UNC5D: variants seen among roughly 807,000 people sequenced by gnomAD.
UNC5D encodes netrin receptor UNC5D.
Under a neutral mutation model 105.4 loss-of-function variants are expected in UNC5D, and 39 were observed. The observed-to-expected ratio is 0.37, with a 90% CI of 0.29 to 0.48. The LOEUF (loss-of-function observed/expected upper bound fraction) is 0.48, where lower values mean the gene tolerates loss of function less well. Ranked by LOEUF, UNC5D falls within the 20% of genes least tolerant of loss-of-function variation. UNC5D has a pLI of 0.98. For missense variants in UNC5D, 991 were observed against 1,202.4 expected, an observed-to-expected ratio of 0.82 and a Z score of 2.60; for synonymous variants, 452 against 450.4, an observed-to-expected ratio of 1.00 and a Z score of -0.04.
intron 2 of UNC5D, among the ~76,000 whole-genome samples, chr8:35,559,661 G>C (rs897081084): frequency 1.3e-5 from 2 of 152,174 alleles, no homozygotes; most frequent in Non-Finnish European, 2.9e-5. Context: ...AACAAGTTAG[G>C]ATCCTAGACT....
intron 1 of UNC5D, among the ~76,000 whole-genome samples, chr8:35,270,905 C>T (rs1209053099): frequency 1.5e-5 from 2 of 135,244 alleles, no homozygotes; most frequent in Non-Finnish European, 3.2e-5. Context: ...TAACTTTTAA[C>T]ATTGAAATGT....
intron 4 of UNC5D, among the ~76,000 whole-genome samples, chr8:35,653,249 C>T (rs1053259062): frequency 6.6e-5 from 10 of 152,022 alleles, no homozygotes; most frequent in African/African-American, 2.4e-4. Context: ...TTTATTTGTC[C>T]ACTTGGGATT....
At chr8:35,551,096 A>G (rs1444305818) in intron 2 of UNC5D, among the ~76,000 whole-genome samples, 5 of 152,154 alleles carry the variant, frequency 3.3e-5, no homozygotes, top group Non-Finnish European at 5.9e-5. Context: ...ACGGGTATGC[A>G]GTGGCTGGAG....
At chr8:35,471,195 C>T (rs985034440) in intron 1 of UNC5D, among the ~76,000 whole-genome samples, 1 of 152,058 alleles carries the variant, frequency 6.6e-6, no homozygotes, top group Non-Finnish European at 1.5e-5. Flanking sequence ...ACTGTTTAGC[C>T]ACTAACAACC....
intron 4 of UNC5D, among the ~76,000 whole-genome samples, chr8:35,630,694 G>A (rs1377364338): frequency 1.3e-5 from 2 of 152,062 alleles, no homozygotes; most frequent in East Asian, 1.9e-4. Context: ...CTAGTGATTC[G>A]TAAGGCGGGA....
In UNC5D at chr8:35,265,827, G is replaced by A. The variant is rs556642403; in HGVS notation, c.103+29940G>A. Among the ~76,000 whole-genome samples the A allele has an allele frequency of 2.9e-3, 438 of 151,504 alleles. 2 individuals carry two copies. The highest frequency in any genetic ancestry group is 0.01 in the African/African-American group (413 of 41,254). On this transcript the variant is annotated intron_variant, in intron 1 of 16. Coordinates refer to ENST00000404895, the MANE Select transcript of UNC5D (RefSeq NM_080872.4). ...AGAGCTTGCAGTGAGCCAAGATCGC[G>A]CCACTGCATTCCAGCCTGAGCGACA...
intron 4 of UNC5D, among the ~76,000 whole-genome samples, chr8:35,628,129 T>C (rs1341309793): frequency 6.6e-6 from 1 of 152,050 alleles, no homozygotes; most frequent in Non-Finnish European, 1.5e-5. Flanking sequence ...ATTTACTTAC[T>C]TACTTACTTA....
chr8:35,517,154 T>C (rs1044283108), intron 1 of UNC5D, among the ~76,000 whole-genome samples: 6 of 152,164 alleles, frequency 3.9e-5, no homozygotes, highest in African/African-American at 1.4e-4. Flanking sequence ...ATCCTCCCTT[T>C]AGGCCTCCCC....
chr8:35,350,197 T>A (rs1015656448), intron 1 of UNC5D, among the ~76,000 whole-genome samples: 3 of 152,004 alleles, frequency 2.0e-5, no homozygotes, highest in Non-Finnish European at 4.4e-5. Context: ...ATGTTTACAG[T>A]ACAGTTCCAT....
chr8:35,736,737 G>A (rs1265855203), intron 11 of UNC5D, among the ~76,000 whole-genome samples: 1 of 152,328 alleles, frequency 6.6e-6, no homozygotes, highest in East Asian at 1.9e-4. Context: ...CTCTCCAAGG[G>A]AGTGGTGTGT....
chr8:35,777,641 A>G (rs922389368), intron 16 of UNC5D, among the ~76,000 whole-genome samples: 1 of 152,116 alleles, frequency 6.6e-6, no homozygotes. Flanking sequence ...GCAACATTCA[A>G]CTCTGATGCT....
At chr8:35,686,855 C>T in intron 7 of UNC5D, 146 bp downstream of exon 7, 1 of 995,282 alleles carries the variant, frequency 1.0e-6, no homozygotes, top group Non-Finnish European at 1.4e-6. Context: ...GTAAAAAGTG[C>T]AGAAAAGCAG....
rs563794475 is a variant in UNC5D, at chr8:35,249,843, G to A, written c.103+13956G>A. 3.2e-3 allele frequency among the ~76,000 whole-genome samples: 485 copies of A among 151,978 alleles called. 4 individuals carry two copies. The highest frequency in any genetic ancestry group is 0.011 in the African/African-American group (471 of 41,446). On this transcript the variant is annotated intron_variant, in intron 1 of 16. Coordinates refer to ENST00000404895, the MANE Select transcript of UNC5D (RefSeq NM_080872.4). ...AATATTCAAGGTTTGGCTATTTTTA[G>A]CAATTTATCAGTGAAGTGTCTTGCT... is the stretch of plus-strand genomic sequence containing the variant.
chr8:35,412,139 TC>T (rs1238348012), intron 1 of UNC5D, among the ~76,000 whole-genome samples: 2 of 152,078 alleles, frequency 1.3e-5, no homozygotes, highest in Non-Finnish European at 2.9e-5. Context: ...CTTTACATCA[TC>T]TTCAGTAGAA....
chr8:35,404,750 G>C (rs1195633097), intron 1 of UNC5D, among the ~76,000 whole-genome samples: 1 of 152,030 alleles, frequency 6.6e-6, no homozygotes, highest in Non-Finnish European at 1.5e-5. Flanking sequence ...ACCACTCCTG[G>C]CTAATTTTTT....
intron 1 of UNC5D, among the ~76,000 whole-genome samples, chr8:35,406,897 T>G (rs937745816): frequency 6.6e-6 from 1 of 152,190 alleles, no homozygotes; most frequent in Non-Finnish European, 1.5e-5. Context: ...GTGTGTATGA[T>G]GCACGTATAG....
chr8:35,256,762 G>A (rs1207305236), intron 1 of UNC5D, among the ~76,000 whole-genome samples: 2 of 152,068 alleles, frequency 1.3e-5, no homozygotes, highest in Admixed American at 6.6e-5. Context: ...ATAATGAAGA[G>A]GATGGACATA....
At chr8:35,419,560 A>G (rs1475854096) in intron 1 of UNC5D, among the ~76,000 whole-genome samples, 1 of 152,170 alleles carries the variant, frequency 6.6e-6, no homozygotes, top group Non-Finnish European at 1.5e-5. Flanking sequence ...GGGAGTCCCA[A>G]GGTCCGAGCC....
At chr8:35,644,598 GA>G (rs1822937728) in intron 4 of UNC5D, among the ~76,000 whole-genome samples, 1 of 152,140 alleles carries the variant, frequency 6.6e-6, no homozygotes, top group Non-Finnish European at 1.5e-5. Context: ...ATATCAGACT[GA>G]AAATAACTGA....
Sources: allele counts gnomAD v4.1 joint callset (sites outside exome capture counted in the v4.1 genomes callset), GRCh38; gene constraint gnomAD v4.1.1; transcripts MANE v1.5; gene names NCBI Gene and HGNC (gene_info 2026-07-23, HGNC 2026-07-21).